Variants in VPS8 observed in about 807,000 individuals in gnomAD.
The protein encoded by VPS8 is vacuolar protein sorting-associated protein 8 homolog.
VPS8 carries 129 observed loss-of-function variants against 216.4 expected under a neutral mutation model. The observed-to-expected ratio is 0.60, with a 90% CI of 0.52 to 0.69. The LOEUF (loss-of-function observed/expected upper bound fraction) is 0.69. Ranked by LOEUF, VPS8 falls within the 30% of genes least tolerant of loss-of-function variation. VPS8 has a pLI of 0.00. For missense variants in VPS8, 1,531 were observed against 1,683.5 expected (o/e 0.91, Z 1.59); for synonymous variants, 571 against 565.4 (o/e 1.01, Z -0.14).
chr3:185,003,735 G>GCCA (rs1753783519), intron 45 of VPS8, among the ~76,000 whole-genome samples: 1 of 150,396 alleles, frequency 6.6e-6, no homozygotes, highest in African/African-American at 2.5e-5. Flanking sequence ...GGTGGCTGCT[G>GCCA]GGCGGAGGGG....
chr3:184,990,843 G>A (rs1561012160), intron 42 of VPS8, among the ~76,000 whole-genome samples: 1 of 151,788 alleles, frequency 6.6e-6, no homozygotes, highest in Admixed American at 6.6e-5. Context: ...CAAAAGAAGT[G>A]GTCACATGAT....
chr3:184,981,580 C>T (rs1308374367), intron 40 of VPS8, among the ~76,000 whole-genome samples: 1 of 151,822 alleles, frequency 6.6e-6, no homozygotes, highest in Non-Finnish European at 1.5e-5. Context: ...ATTACAGGCA[C>T]CTGCCACCAC....
intron 38 of VPS8, among the ~76,000 whole-genome samples, chr3:184,965,700 TAA>T (rs568106151): frequency 6.6e-6 from 1 of 152,178 alleles, no homozygotes; most frequent in Non-Finnish European, 1.5e-5. Context: ...GTTTGTTTCA[TAA>T]AGACTACGCT....
intron 11 of VPS8, 120 bp from the exon 12 acceptor site, chr3:184,853,737 C>A: frequency 2.1e-6 from 2 of 973,752 alleles, no homozygotes; most frequent in Non-Finnish European, 1.5e-6. Context: ...TCCTGTGGAG[C>A]TTGGATTGTT....
chr3:184,860,699 A>G lies in VPS8; in HGVS notation c.1224+634A>G, dbSNP rs540065576. On this transcript the variant is annotated intron_variant, in intron 15 of 47. Transcript: ENST00000625842. ...CATTGCCTTGCTTTCTCTGTAAAAC[A>G]TTTTTTGTATTTTTGAGCTTTGTCT... Among the ~76,000 whole-genome samples the G allele has an allele frequency of 9.2e-5, 14 of 152,016 alleles. No individual in the cohort carries two copies. In the East Asian group the frequency reaches 2.1e-3, roughly 23 times the overall value.
chr3:185,017,276 C>T lies in VPS8; in HGVS notation c.4003-7060C>T, dbSNP rs191709518. ...TAAATTGAGCAGGTTGAATTGGCCACGTGGACGGCCAGTGCTATAGAGAAA... is the reference window on the plus strand; with the variant it reads ...TAAATTGAGCAGGTTGAATTGGCCATGTGGACGGCCAGTGCTATAGAGAAA... On this transcript the variant is annotated intron_variant, in intron 45 of 47. Transcript: ENST00000625842. 2.5e-4 allele frequency among the ~76,000 whole-genome samples: 38 copies of T among 152,236 alleles called. No homozygotes were observed. In the East Asian group the frequency reaches 5.4e-3, roughly 22 times the overall value.
At chr3:184,902,344 T>C (rs1553861977) in intron 25 of VPS8, among the ~76,000 whole-genome samples, 7 of 148,008 alleles carry the variant, frequency 4.7e-5, no homozygotes, top group East Asian at 4.1e-4. Context: ...GGTGTGGTGG[T>C]GGGTGCCTGT....
At chr3:184,846,421 C>T (rs1025406998) in intron 8 of VPS8, among the ~76,000 whole-genome samples, 2 of 152,190 alleles carry the variant, frequency 1.3e-5, no homozygotes, top group Admixed American at 1.3e-4. Context: ...TCATTTCATC[C>T]ATTGCCACTC....
chr3:184,828,548 T>G (rs1240019815), intron 3 of VPS8, among the ~76,000 whole-genome samples: 1 of 152,196 alleles, frequency 6.6e-6, no homozygotes, highest in Non-Finnish European at 1.5e-5. Flanking sequence ...CTATGCTTCT[T>G]CTGAGATTTT....
At chr3:184,950,534 G>A (rs553339726) in intron 36 of VPS8, among the ~76,000 whole-genome samples, 107 of 151,886 alleles carry the variant, frequency 7.0e-4, no homozygotes, top group African/African-American at 2.3e-3. Flanking sequence ...AAATTCCAAC[G>A]CAATGTTTAT....
intron 15 of VPS8, among the ~76,000 whole-genome samples, chr3:184,861,941 T>G (rs1209081620): frequency 2.6e-5 from 4 of 152,172 alleles, no homozygotes; most frequent in African/African-American, 9.7e-5. Context: ...TGTAAAAGAT[T>G]TGCATATCAA....
chr3:184,900,223 G>C (rs1578149487), intron 24 of VPS8, among the ~76,000 whole-genome samples: 3 of 152,298 alleles, frequency 2.0e-5, no homozygotes, highest in South Asian at 4.1e-4. Flanking sequence ...TGAATTCACT[G>C]ACAATATACA....
chr3:184,822,675 A>G (rs1242177259), intron 1 of VPS8, among the ~76,000 whole-genome samples: 1 of 152,218 alleles, frequency 6.6e-6, no homozygotes, highest in Non-Finnish European at 1.5e-5. Context: ...AATAATTGCA[A>G]CCCTTTTTGC....
In VPS8 at chr3:184,851,500, CTACTT is replaced by C. The variant is rs559864604; in HGVS notation, c.754-995_754-991del. Among the ~76,000 whole-genome samples the C allele has an allele frequency of 2.5e-4, 38 of 152,062 alleles. No individual in the cohort carries two copies. In the East Asian group the frequency reaches 6.4e-3, roughly 26 times the overall value. On this transcript the variant is annotated intron_variant, in intron 10 of 47. Transcript: ENST00000625842. ...GTGTGTGTGCGTTTATATGAATACA[CTACTT>C]TACTAATTTTTATGTACATTATAAA... is the stretch of plus-strand genomic sequence containing the variant.
At chr3:184,824,238 T>C (rs1718227115) in intron 1 of VPS8, 1 of 168,178 alleles carries the variant, frequency 5.9e-6, no homozygotes, top group South Asian at 1.6e-4. Flanking sequence ...GTTAGGTAAA[T>C]AAATCTAGTT....
chr3:184,924,918 C>T lies in VPS8; in HGVS notation c.2511C>T (p.Phe837=). The stretch of plus-strand genomic sequence containing the variant: ...CACAAGTAGGATGTCTCTTTACCTT[C>T]CTTGCTCGGCAGCTTGCAAAGCCTG... ...TPSQVGCLFT[F]LARQLAKPDN... The change falls in exon 30 of 48, where the codon TTC becomes TTT. Residue 837 remains phenylalanine, a synonymous_variant. Coordinates refer to ENST00000625842, the MANE Select transcript of VPS8 (RefSeq NM_001009921.3). 1 of 1,613,542 alleles carries T rather than the reference C, an allele frequency of 6.2e-7. No homozygotes were observed.
At chr3:184,854,615 C>T (rs1226796329) in intron 13 of VPS8, among the ~76,000 whole-genome samples, 1 of 152,142 alleles carries the variant, frequency 6.6e-6, no homozygotes, top group South Asian at 2.1e-4. Context: ...TGAGTCCAAG[C>T]CCTGATTTTC....
At chr3:184,986,396 G>A (rs1234404818) in intron 42 of VPS8, among the ~76,000 whole-genome samples, 2 of 152,178 alleles carry the variant, frequency 1.3e-5, no homozygotes, top group East Asian at 3.8e-4. Context: ...ATGATAAGGA[G>A]TTTGGATTTT....
chr3:184,928,779 C>T (rs1028858984), intron 32 of VPS8, among the ~76,000 whole-genome samples: 1 of 151,952 alleles, frequency 6.6e-6, no homozygotes, highest in Non-Finnish European at 1.5e-5. Context: ...GTGAAATAGT[C>T]TTATGATGTT....
Sources: gnomAD v4.1 joint callset for allele counts (sites outside exome capture counted in the v4.1 genomes callset) on GRCh38, gnomAD v4.1.1 for gene constraint, MANE v1.5 for transcripts, NCBI Gene and HGNC (gene_info 2026-07-23, HGNC 2026-07-21) for gene names.